Variants in GABRG3 observed in about 807,000 individuals in gnomAD.
GABRG3 encodes gamma-aminobutyric acid receptor subunit gamma-3.
In GABRG3, 25 loss-of-function variants were observed where a neutral mutation model predicts 48.8. That is an observed-to-expected ratio of 0.51 (90% CI 0.37 to 0.72). The LOEUF is 0.72. GABRG3 is among the 30% of genes least tolerant of loss of function. The pLI is 0.00. For missense variants in GABRG3, 394 were observed against 577.9 expected (o/e 0.68, Z 3.26); for synonymous variants, 227 against 217.6 (o/e 1.04, Z -0.38).
At chr15:27,007,369 T>G (rs374066735) in intron 2 of GABRG3, among the ~76,000 whole-genome samples, 150 of 152,272 alleles carry the variant, frequency 9.9e-4, no homozygotes, top group South Asian at 1.7e-3. Flanking sequence ...TGAACCACTG[T>G]GCCTGGCCCA....
intron 5 of GABRG3, among the ~76,000 whole-genome samples, chr15:27,382,252 T>G (rs1039378096): frequency 6.6e-6 from 1 of 152,176 alleles, no homozygotes; most frequent in East Asian, 1.9e-4. Context: ...GATGCCATAT[T>G]CTAGGTTAGA....
chr15:27,389,466 C>T (rs558415701), intron 5 of GABRG3, among the ~76,000 whole-genome samples: 5 of 152,278 alleles, frequency 3.3e-5, no homozygotes, highest in African/African-American at 1.2e-4. Flanking sequence ...GTACCAGCGC[C>T]ACCACTGTTA....
intron 3 of GABRG3, among the ~76,000 whole-genome samples, chr15:27,147,620 G>C (rs1598213): frequency 0.27 from 40,947 of 151,724 alleles, 6,845 homozygotes; most frequent in Middle Eastern, 0.38. Flanking sequence ...ATCATACCAA[G>C]TGTATTTCCC....
At chr15:27,251,780 T>G (rs556797333) in intron 3 of GABRG3, among the ~76,000 whole-genome samples, 24 of 152,298 alleles carry the variant, frequency 1.6e-4, no homozygotes, top group African/African-American at 5.5e-4. Flanking sequence ...CAGGTTCACC[T>G]GAGGGCACGC....
intron 6 of GABRG3, among the ~76,000 whole-genome samples, chr15:27,516,933 C>T (rs1891033265): frequency 6.6e-6 from 1 of 152,210 alleles, no homozygotes; most frequent in South Asian, 2.1e-4. Context: ...TCCTGACTTT[C>T]CTCTGAATAT....
At chr15:27,031,658 A>G (rs886454389) in intron 3 of GABRG3, among the ~76,000 whole-genome samples, 23 of 152,316 alleles carry the variant, frequency 1.5e-4, no homozygotes, top group East Asian at 9.6e-4. Context: ...CAGCCAGAGA[A>G]ATCATAAAGA....
chr15:27,350,132 A>G (rs191810194), intron 5 of GABRG3: 464 of 455,934 alleles, frequency 1.0e-3, no homozygotes, highest in African/African-American at 2.0e-3. Flanking sequence ...CCCAGCCACC[A>G]TCTTGGCCTT....
chr15:27,256,102 T>C (rs962739418), intron 3 of GABRG3, among the ~76,000 whole-genome samples: 1 of 152,070 alleles, frequency 6.6e-6, no homozygotes, highest in African/African-American at 2.4e-5. Flanking sequence ...CACCAGGGTC[T>C]TTGTAAGAGG....
intron 3 of GABRG3, among the ~76,000 whole-genome samples, chr15:27,245,335 G>A (rs1890238916): frequency 6.6e-6 from 1 of 152,162 alleles, no homozygotes; most frequent in African/African-American, 2.4e-5. Context: ...ATAGGGCAGT[G>A]TGGATTTGAT....
At chr15:27,423,240 GAT>G (rs1491580184) in intron 5 of GABRG3, among the ~76,000 whole-genome samples, 3 of 53,058 alleles carry the variant, frequency 5.7e-5, no homozygotes, top group African/African-American at 2.9e-4. Flanking sequence ...AAGTCATTAT[GAT>G]AAAAAAAAAA....
intron 5 of GABRG3, among the ~76,000 whole-genome samples, chr15:27,475,898 G>T (rs948191210): frequency 1.3e-5 from 2 of 152,114 alleles, no homozygotes; most frequent in Non-Finnish European, 2.9e-5. Flanking sequence ...TGATGTGGTG[G>T]TGGTGACTGT....
At chr15:27,278,790 C>A (rs1891339124) in intron 3 of GABRG3, among the ~76,000 whole-genome samples, 1 of 152,294 alleles carries the variant, frequency 6.6e-6, no homozygotes, top group South Asian at 2.1e-4. Context: ...ATTTCTCTGA[C>A]ATAAAAGCCA....
At chr15:27,013,023 G>A (rs1271909085) in intron 2 of GABRG3, among the ~76,000 whole-genome samples, 1 of 152,150 alleles carries the variant, frequency 6.6e-6, no homozygotes, top group East Asian at 1.9e-4. Flanking sequence ...GAATAGATTG[G>A]AAGGTGAAAG....
chr15:27,387,981 G>A (rs1443325131), intron 5 of GABRG3, among the ~76,000 whole-genome samples: 9 of 83,938 alleles, frequency 1.1e-4, no homozygotes, highest in Non-Finnish European at 2.6e-5. Context: ...AGGAAAGGAA[G>A]GAGGGAGGGT....
chr15:27,037,993 C>T (rs1896207848), intron 3 of GABRG3, among the ~76,000 whole-genome samples: 1 of 152,082 alleles, frequency 6.6e-6, no homozygotes, highest in African/African-American at 2.4e-5. Context: ...CAGGCTCTGG[C>T]CAGCAGATGC....
chr15:27,116,944 A>C (rs1206913874), intron 3 of GABRG3, among the ~76,000 whole-genome samples: 1 of 152,208 alleles, frequency 6.6e-6, no homozygotes, highest in Non-Finnish European at 1.5e-5. Flanking sequence ...CAGAACCATG[A>C]GAAATACATT....
chr15:27,230,330 TAGTC>T (rs1281409533), intron 3 of GABRG3, among the ~76,000 whole-genome samples: 2 of 152,192 alleles, frequency 1.3e-5, no homozygotes, highest in African/African-American at 2.4e-5. Flanking sequence ...TTTAAAAAAA[TAGTC>T]AGTTTATTTC....
chr15:27,318,183 G>A (rs1323531243), intron 3 of GABRG3, among the ~76,000 whole-genome samples: 2 of 152,196 alleles, frequency 1.3e-5, no homozygotes, highest in Non-Finnish European at 2.9e-5. Context: ...CAAAGCAGGA[G>A]CTTCTGGGAG....
intron 3 of GABRG3, among the ~76,000 whole-genome samples, chr15:27,049,826 C>T (rs964000470): frequency 4.6e-5 from 7 of 152,178 alleles, no homozygotes; most frequent in African/African-American, 1.4e-4. Context: ...GCACAGTGAG[C>T]GGGGATGAAA....
Sources: gnomAD v4.1 joint callset for allele counts (sites outside exome capture counted in the v4.1 genomes callset) on GRCh38, gnomAD v4.1.1 for gene constraint, MANE v1.5 for transcripts, NCBI Gene and HGNC (gene_info 2026-07-23, HGNC 2026-07-21) for gene names.